Variants in BCL11B observed in about 807,000 individuals in gnomAD.
BCL11B encodes the protein BCL11 transcription factor B, also known as B-cell lymphoma/leukemia 11B.
BCL11B carries 8 observed loss-of-function variants against 49.9 expected under a neutral mutation model. The observed-to-expected ratio is 0.16, with a 90% CI of 0.09 to 0.29. The LOEUF (loss-of-function observed/expected upper bound fraction) is 0.29, where lower values mean the gene tolerates loss of function less well. Among genes scored for constraint, BCL11B ranks in the 10% least tolerant of loss-of-function variants. BCL11B has a pLI of 1.00. For missense variants in BCL11B, 1,006 were observed against 1,351.0 expected, an observed-to-expected ratio of 0.74 and a Z score of 4.00; for synonymous variants, 739 against 637.4, an observed-to-expected ratio of 1.16 and a Z score of -2.40.
chr14:99,260,311 G>A lies in BCL11B; in HGVS notation c.59-2472C>T, dbSNP rs560913057. Reference sequence around the variant, plus strand: ...GGAAGATTTGATAAAAACGTACAACGACAAATCCACATGGCCAGCTGGACC... The same window carrying A: ...GGAAGATTTGATAAAAACGTACAACAACAAATCCACATGGCCAGCTGGACC... On this transcript the variant is annotated intron_variant, in intron 1 of 3. Coordinates refer to ENST00000357195, the MANE Select transcript of BCL11B (RefSeq NM_138576.4). Among the ~76,000 whole-genome samples the A allele has an allele frequency of 8.5e-5, 13 of 152,272 alleles. No homozygotes were observed. In the East Asian group the frequency reaches 1.5e-3, roughly 18 times the overall value.
rs1013781985 is a variant in BCL11B, at chr14:99,232,564, G to A, written c.428-1007C>T. Among the ~76,000 whole-genome samples, 3 of 152,192 alleles carry A rather than the reference G, an allele frequency of 2.0e-5. No homozygotes were observed. The highest frequency in any genetic ancestry group is 7.2e-5 in the African/African-American group (3 of 41,460). On this transcript the variant is annotated intron_variant, in intron 2 of 3. Transcript: ENST00000357195. This position sits in a 1 kb window ranked among gnomAD's most constrained non-coding sequence, Gnocchi z 5.1. ...GGGAGGCCCAGCACAGGTCTGCACG[G>A]GTGGGAGTCTGCCCACTCCAGGGCC...
At position 99,228,807 on chromosome 14, in the gene BCL11B, A is replaced by G. The variant is rs1888227808; in HGVS notation, c.640+2538T>C. Among the ~76,000 whole-genome samples the G allele has an allele frequency of 6.6e-6, 1 of 152,122 alleles. No individual in the cohort carries two copies. The highest frequency in any genetic ancestry group is 2.4e-5 in the African/African-American group (1 of 41,424). On this transcript the variant is annotated intron_variant, in intron 3 of 3. Transcript: ENST00000357195. The surrounding 1 kb of genome is among the most constrained non-coding windows in gnomAD (Gnocchi z 4.8). ...CCCACTCCCTGTCCTCCCCACCACC[A>G]GACTGCAAGCTGCACGAGGGCAGGG...
intron 3 of BCL11B, among the ~76,000 whole-genome samples, chr14:99,211,838 G>C (rs1887698411): frequency 6.6e-6 from 1 of 152,114 alleles, no homozygotes. Context: ...AATTTAATGA[G>C]TAAGCAAAGT....
At position 99,271,654 on chromosome 14, in the gene BCL11B, A is replaced by C. The variant is rs1174389065; in HGVS notation, c.-436T>G. On this transcript the variant is annotated 5_prime_UTR_variant, in exon 1 of 4. Coordinates refer to ENST00000357195, the MANE Select transcript of BCL11B (RefSeq NM_138576.4). The stretch of plus-strand genomic sequence containing the variant: ...ACTTGCAAATGTCTTCTTGAACTTA[A>C]ACTGGGTTTTGCACCGGCTCCTGAC... 1 of 198,008 alleles carries C rather than the reference A, an allele frequency of 5.1e-6. No homozygotes were observed. The highest frequency in any genetic ancestry group is 7.5e-5 in the East Asian group (1 of 13,352). 12.3% of individuals were successfully genotyped at this position (198,008 alleles called of 1,614,324 possible). A position where few individuals can be genotyped will look rare whatever the true frequency, so the allele number is the denominator to read the frequency against.
At chr14:99,208,292 G>A (rs192725185) in intron 3 of BCL11B, among the ~76,000 whole-genome samples, 66 of 152,254 alleles carry the variant, frequency 4.3e-4, no homozygotes, top group African/African-American at 1.4e-3. Flanking sequence ...GCCTGGTGTG[G>A]TCACCTGGGC....
In BCL11B at chr14:99,171,111, C is replaced by T. The variant is rs1468190480; in HGVS notation, c.*3040G>A. The T allele has an allele frequency of 4.4e-6, 1 of 228,970 alleles. No homozygotes were observed. The highest frequency in any genetic ancestry group is 8.7e-6 in the Non-Finnish European group (1 of 115,190). 14.2% of individuals were successfully genotyped at this position (228,970 alleles called of 1,614,324 possible). A position where few individuals can be genotyped will look rare whatever the true frequency, so the allele number is the denominator to read the frequency against. Reference sequence around the variant, plus strand: ...CAAAAACTGATTTTTTTCCACTCAACACAAATAATTTCCCATCTGGTCTGC... The same window carrying T: ...CAAAAACTGATTTTTTTCCACTCAATACAAATAATTTCCCATCTGGTCTGC... On this transcript the variant is annotated 3_prime_UTR_variant, in exon 4 of 4. Transcript: ENST00000357195.
At chr14:99,200,089 C>T (rs1024913581) in intron 3 of BCL11B, among the ~76,000 whole-genome samples, 1 of 151,972 alleles carries the variant, frequency 6.6e-6, no homozygotes. Flanking sequence ...CAAATTCCAC[C>T]ACAGACAGGG....
Position 99,231,452 on chromosome 14 carries a change from G to A in BCL11B, c.533C>T (p.Pro178Leu), listed in dbSNP as rs777536580. Reference sequence around the variant, plus strand: ...GCAGCACGGCAGGGGGAGGCAGGGCGGGAGAGCGCCCAGGGCACGCAGAGG... The same window carrying A: ...GCAGCACGGCAGGGGGAGGCAGGGCAGGAGAGCGCCCAGGGCACGCAGAGG... ...TSPLRALGAL[P>L]PCLPLPCCSA... Residue 178 changes from proline (P) to leucine (L), a missense_variant, in exon 3 of 4, where the codon CCG becomes CTG. This residue lies in a region of BCL11B where 411 missense variants were observed against 542.2 expected (regional missense o/e 0.76). Coordinates refer to ENST00000357195, the MANE Select transcript of BCL11B (RefSeq NM_138576.4). This position sits in a 1 kb window ranked among gnomAD's most constrained non-coding sequence, Gnocchi z 8.1. 3 of 1,598,250 alleles carry A rather than the reference G, an allele frequency of 1.9e-6. No homozygotes were observed. The Admixed American group carries it at 5.1e-5, about 27-fold the overall frequency.
At chr14:99,244,299 C>CA (rs1386229555) in intron 2 of BCL11B, among the ~76,000 whole-genome samples, 103 of 151,804 alleles carry the variant, frequency 6.8e-4, no homozygotes, top group African/African-American at 2.4e-3. Context: ...ATTACCCCCC[C>CA]CTCACACACA....
intron 1 of BCL11B, chr14:99,264,683 C>G (rs551399782): frequency 2.2e-4 from 34 of 152,274 alleles, no homozygotes; most frequent in African/African-American, 8.2e-4. Context: ...TGTCAAAATG[C>G]TGGACCAACA....
chr14:99,197,017 G>C (rs1887197319), intron 3 of BCL11B, among the ~76,000 whole-genome samples: 1 of 152,180 alleles, frequency 6.6e-6, no homozygotes, highest in East Asian at 1.9e-4. Flanking sequence ...TGGCCCGAAG[G>C]TTTCACATGC....
At chr14:99,261,301 G>A (rs1016153217) in intron 1 of BCL11B, among the ~76,000 whole-genome samples, 11 of 152,342 alleles carry the variant, frequency 7.2e-5, no homozygotes, top group South Asian at 6.2e-4. Context: ...CAAGCTAGGC[G>A]TGTAGGGTGC....
rs1209471369 is a variant in BCL11B, at chr14:99,271,362, GT to G, written c.-145del. ...CACCTCCTCCTCTGCCCGGGTTGGTGTTTTTTTTCCCTTCCTCTCTTTCCCT... is the reference window on the plus strand; with the variant it reads ...CACCTCCTCCTCTGCCCGGGTTGGTGTTTTTTTCCCTTCCTCTCTTTCCCT... On this transcript the variant is annotated 5_prime_UTR_variant, in exon 1 of 4. Transcript: ENST00000357195. 17 of 413,626 alleles carry G rather than the reference GT, an allele frequency of 4.1e-5. No individual in the cohort carries two copies. Among genetic ancestry groups the G allele is most frequent in the South Asian group, 2.1e-4 (2 of 9,700 alleles). 25.6% of individuals were successfully genotyped at this position (413,626 alleles called of 1,614,324 possible). A position where few individuals can be genotyped will look rare whatever the true frequency, so the allele number is the denominator to read the frequency against.
At chr14:99,234,641 T>C (rs539060683) in intron 2 of BCL11B, among the ~76,000 whole-genome samples, 3 of 152,102 alleles carry the variant, frequency 2.0e-5, no homozygotes, top group Non-Finnish European at 4.4e-5. Flanking sequence ...AGGTCAGCCC[T>C]GAGCCAGAGC....
rs189191001 is a variant in BCL11B, at chr14:99,248,435, T to C, written c.427+9036A>G. 0.011 allele frequency among the ~76,000 whole-genome samples: 1,638 copies of C among 152,038 alleles called. 13 individuals carry two copies. Among genetic ancestry groups the C allele is most frequent in the Non-Finnish European group, 0.017 (1,131 of 67,958 alleles). The stretch of plus-strand genomic sequence containing the variant: ...GTCACTGGCCGCCCCCAGCAGGCTC[T>C]GGGCCAGGGTGGGTCCAGATCTTGC... On this transcript the variant is annotated intron_variant, in intron 2 of 3. Coordinates refer to ENST00000357195, the MANE Select transcript of BCL11B (RefSeq NM_138576.4). The surrounding 1 kb of genome is among the most constrained non-coding windows in gnomAD (Gnocchi z 4.7).
chr14:99,266,250 A>G lies in BCL11B; in HGVS notation c.58+4911T>C, dbSNP rs550532011. ...TAAAATTTGAGCTAAAAGGATTTCC[A>G]TTCATCAAGCTGTTTTAGGTACACG... is the stretch of plus-strand genomic sequence containing the variant. On this transcript the variant is annotated intron_variant, in intron 1 of 3. Transcript: ENST00000357195. Among the ~76,000 whole-genome samples, 4 of 152,346 alleles carry G rather than the reference A, an allele frequency of 2.6e-5. No homozygotes were observed. The South Asian group carries it at 8.3e-4, about 32-fold the overall frequency.
chr14:99,252,187 C>G (rs958415415), intron 2 of BCL11B, among the ~76,000 whole-genome samples: 1 of 152,068 alleles, frequency 6.6e-6, no homozygotes, highest in Non-Finnish European at 1.5e-5. Context: ...TCGGTGCAGA[C>G]AGAACTAATA....
At position 99,178,275 on chromosome 14, in the gene BCL11B, T is replaced by G. The variant is rs142229171; in HGVS notation, c.641-2080A>C. Among the ~76,000 whole-genome samples, 1,011 of 152,314 alleles carry G rather than the reference T, an allele frequency of 6.6e-3. 14 individuals are homozygous for G. Among genetic ancestry groups the G allele is most frequent in the African/African-American group, 0.023 (954 of 41,566 alleles). ...CAGAAATGAAAAAGGAATTCTGAAGTTCGGCCTCATCCCTCTTAAAAACAG... is the reference window on the plus strand; with the variant it reads ...CAGAAATGAAAAAGGAATTCTGAAGGTCGGCCTCATCCCTCTTAAAAACAG... On this transcript the variant is annotated intron_variant, in intron 3 of 3. Transcript: ENST00000357195.
At position 99,189,578 on chromosome 14, in the gene BCL11B, C is replaced by T. The variant is rs144423547; in HGVS notation, c.641-13383G>A. Among the ~76,000 whole-genome samples, 1,187 of 152,342 alleles carry T rather than the reference C, an allele frequency of 7.8e-3. 10 individuals carry two copies. The highest frequency in any genetic ancestry group is 0.014 in the Non-Finnish European group (921 of 68,034). On this transcript the variant is annotated intron_variant, in intron 3 of 3. Transcript: ENST00000357195. ...ACGGCCCTCTCCAGACACCAACACC[C>T]CAGCATGGCGGCTACTGGGTCAGCA...
Sources: allele counts gnomAD v4.1 joint callset (sites outside exome capture counted in the v4.1 genomes callset), GRCh38; gene constraint gnomAD v4.1.1; regional missense constraint gnomAD v4.1.1; non-coding constraint Gnocchi (gnomAD v3.1); transcripts MANE v1.5; gene names NCBI Gene and HGNC (gene_info 2026-07-23, HGNC 2026-07-21).